B3GAT1: variants seen among roughly 807,000 people sequenced by gnomAD.
B3GAT1 encodes galactosylgalactosylxylosylprotein 3-beta-glucuronosyltransferase 1.
In B3GAT1, 11 loss-of-function variants were observed where a neutral mutation model predicts 28.4. The ratio of observed to expected loss-of-function variants is 0.39; its 90% CI spans 0.24 to 0.64. B3GAT1 has a LOEUF of 0.64. Among genes scored for constraint, B3GAT1 ranks in the 30% least tolerant of loss-of-function variants. The pLI, the probability that B3GAT1 is intolerant of heterozygous loss-of-function variation, is 0.50. For missense variants in B3GAT1, 375 were observed against 491.0 expected, an observed-to-expected ratio of 0.76 and a Z score of 2.23; for synonymous variants, 255 against 223.1, an observed-to-expected ratio of 1.14 and a Z score of -1.27.
At chr11:134,404,012 TATATATATATA>T (rs1944677350) in intron 1 of B3GAT1, among the ~76,000 whole-genome samples, 5 of 121,746 alleles carry the variant, frequency 4.1e-5, no homozygotes, top group African/African-American at 1.7e-4. Flanking sequence ...TATATATATA[TATATATATATA>T]TATATATTTA....
chr11:134,389,953 A>T (rs1449949797), intron 1 of B3GAT1: 1 of 151,940 alleles, frequency 6.6e-6, no homozygotes, highest in Non-Finnish European at 1.5e-5. Flanking sequence ...ATTAAGGAGC[A>T]CTGTGGTTTC....
At chr11:134,383,495 C>CT (rs1371614393) in intron 3 of B3GAT1, among the ~76,000 whole-genome samples, 185 bp downstream of exon 3, 1 of 152,232 alleles carries the variant, frequency 6.6e-6, no homozygotes, top group Non-Finnish European at 1.5e-5. Flanking sequence ...TTCCCCCTAA[C>CT]TTGTGGGGGA....
At position 134,400,974 on chromosome 11, in the gene B3GAT1, G is replaced by A. The variant is rs542407252; in HGVS notation, c.-282+10833C>T. ...ACTTCTCAAATGAAGACGTACAAGT[G>A]GCCAACAAATATGAAAAAATGCTCA... On this transcript the variant is annotated intron_variant, in intron 1 of 5. Coordinates refer to ENST00000312527, the MANE Select transcript of B3GAT1 (RefSeq NM_054025.3). 1.6e-4 allele frequency among the ~76,000 whole-genome samples: 25 copies of A among 152,268 alleles called. No homozygotes were observed. The South Asian group carries it at 5.0e-3, about 30-fold the overall frequency.
intron 1 of B3GAT1, among the ~76,000 whole-genome samples, chr11:134,405,952 C>T (rs1489948170): frequency 1.3e-5 from 2 of 152,194 alleles, no homozygotes; most frequent in African/African-American, 2.4e-5. Flanking sequence ...CTCTGGCCTC[C>T]GGCTTGGGTC....
In B3GAT1 at chr11:134,387,736, C is replaced by T. The variant is rs1441602086; in HGVS notation, c.-77G>A. 20 of 1,589,072 alleles carry T rather than the reference C, an allele frequency of 1.3e-5. No individual in the cohort carries two copies. Among genetic ancestry groups the T allele is most frequent in the East Asian group, 2.3e-5 (1 of 43,610 alleles). On this transcript the variant is annotated 5_prime_UTR_variant, in exon 2 of 6. Coordinates refer to ENST00000312527, the MANE Select transcript of B3GAT1 (RefSeq NM_054025.3). ...TCAGGAGAGGGGCGGCCACGGGCGG[C>T]GGCAGCACAGGGGAGAAAAGAACAG...
intron 1 of B3GAT1, among the ~76,000 whole-genome samples, chr11:134,410,812 C>T (rs566808288): frequency 2.0e-5 from 3 of 152,346 alleles, no homozygotes; most frequent in East Asian, 3.9e-4. Flanking sequence ...CTAGGCCCTA[C>T]GACATCCGTA....
chr11:134,387,898 C>T lies in B3GAT1; in HGVS notation c.-239G>A, dbSNP rs1944329061. On this transcript the variant is annotated 5_prime_UTR_variant, in exon 2 of 6. Coordinates refer to ENST00000312527, the MANE Select transcript of B3GAT1 (RefSeq NM_054025.3). ...GCCCAACTGGAGTCTGAGAAGGGGT[C>T]GCTGTCCAGGGGCAGGGGTCAGGAA... is the stretch of plus-strand genomic sequence containing the variant. 2 of 1,502,716 alleles carry T rather than the reference C, an allele frequency of 1.3e-6. No homozygotes were observed. The highest frequency in any genetic ancestry group is 1.8e-6 in the Non-Finnish European group (2 of 1,125,368). 93.1% of individuals were successfully genotyped at this position (1,502,716 alleles called of 1,614,324 possible).
rs185237380 is a variant in B3GAT1 at position 134,400,642 on chromosome 11, A to G, written c.-282+11165T>C. ...GGACCAAAGATTTAAATGTTGTAAG[A>G]CTTCAAACTATCTAAGAATCCTAGA... On this transcript the variant is annotated intron_variant, in intron 1 of 5. Coordinates refer to ENST00000312527, the MANE Select transcript of B3GAT1 (RefSeq NM_054025.3). 9.2e-4 allele frequency among the ~76,000 whole-genome samples: 140 copies of G among 152,320 alleles called. 1 individual carries two copies. Among genetic ancestry groups the G allele is most frequent in the Non-Finnish European group, 4.4e-5 (3 of 68,038 alleles).
rs886349453 is a variant in B3GAT1 at position 134,380,054 on chromosome 11, AG to A, written c.*707del. On this transcript the variant is annotated 3_prime_UTR_variant, in exon 6 of 6. Coordinates refer to ENST00000312527, the MANE Select transcript of B3GAT1 (RefSeq NM_054025.3). ...GAAGGGGTAAAGGAAGAGGGGCCGG[AG>A]GGGGGGACTCTGCTCCCGCCACAGC... The A allele has an allele frequency of 2.6e-5, 4 of 152,226 alleles. No individual in the cohort carries two copies. Among genetic ancestry groups the A allele is most frequent in the African/African-American group, 4.8e-5 (2 of 41,312 alleles). 9.4% of individuals were successfully genotyped at this position (152,226 alleles called of 1,614,324 possible). A position where few individuals can be genotyped will look rare whatever the true frequency, so the allele number is the denominator to read the frequency against.
chr11:134,394,087 G>A (rs138636459), intron 1 of B3GAT1, among the ~76,000 whole-genome samples: 3,621 of 152,250 alleles, frequency 0.024, 81 homozygotes, highest in African/African-American at 0.063. Flanking sequence ...AGCCCTGCTG[G>A]GGGGCAGGAC....
At chr11:134,394,706 G>A (rs1944471993) in intron 1 of B3GAT1, among the ~76,000 whole-genome samples, 1 of 152,254 alleles carries the variant, frequency 6.6e-6, no homozygotes, top group South Asian at 2.1e-4. Context: ...TGGGACTGCT[G>A]ATGGAAGGGC....
In B3GAT1 at chr11:134,403,107, C is replaced by CACA. The variant is rs577270396; in HGVS notation, c.-282+8697_-282+8699dup. The stretch of plus-strand genomic sequence containing the variant: ...TCTGGGTTTCCCAGGCTACCTATCA[C>CACA]ACAGTGAGCACCAGGGCGGCTACGG... On this transcript the variant is annotated intron_variant, in intron 1 of 5. Transcript: ENST00000312527. Among the ~76,000 whole-genome samples the CACA allele has an allele frequency of 3.4e-3, 514 of 152,216 alleles. 3 individuals carry two copies. The highest frequency in any genetic ancestry group is 0.011 in the African/African-American group (465 of 41,538).
rs1479298532 is a variant in B3GAT1 at position 134,380,288 on chromosome 11, TC to T, written c.*473del. ...ATGCCCGTGGGCTGCTCTCTGGTCTTCAGAATTCCCTGGCTGGGTGTCCTGT... is the reference window on the plus strand; with the variant it reads ...ATGCCCGTGGGCTGCTCTCTGGTCTTAGAATTCCCTGGCTGGGTGTCCTGT... On this transcript the variant is annotated 3_prime_UTR_variant, in exon 6 of 6. Coordinates refer to ENST00000312527, the MANE Select transcript of B3GAT1 (RefSeq NM_054025.3). The T allele has an allele frequency of 1.3e-5, 2 of 152,242 alleles. No homozygotes were observed. Among genetic ancestry groups the T allele is most frequent in the Non-Finnish European group, 2.9e-5 (2 of 68,078 alleles). 9.4% of individuals were successfully genotyped at this position (152,242 alleles called of 1,614,324 possible).
rs778905375 is a variant in B3GAT1 at position 134,383,644 on chromosome 11, G to A, written c.621+36C>T. On this transcript the variant is annotated intron_variant, in intron 3 of 5. Transcript: ENST00000312527. ...GGAAGCCCCTCCACTCCCCGCAGCC[G>A]GAGGTCCCGCTGCTCACTGTCGGGC... The A allele has an allele frequency of 3.3e-5, 50 of 1,498,802 alleles. No individual in the cohort carries two copies. In the East Asian group the frequency reaches 9.7e-4, roughly 29 times the overall value. The allele number at this position is 1,498,802 out of a possible 1,614,324, so 92.8% of individuals were successfully genotyped here. A position where few individuals can be genotyped will look rare whatever the true frequency, so the allele number is the denominator to read the frequency against.
chr11:134,411,232 G>A lies in B3GAT1; in HGVS notation c.-282+575C>T, dbSNP rs1944847130. On this transcript the variant is annotated intron_variant, in intron 1 of 5. Transcript: ENST00000312527. The surrounding 1 kb of genome is among the most constrained non-coding windows in gnomAD (Gnocchi z 6.0). ...CAGACCTGAGCCCAGGTGCAGATGG[G>A]AGGGTGGTGAACTGGTCGCGCCTCC... is the stretch of plus-strand genomic sequence containing the variant. Among the ~76,000 whole-genome samples, 1 of 152,200 alleles carries A rather than the reference G, an allele frequency of 6.6e-6. No individual in the cohort carries two copies.
At chr11:134,404,824 A>T (rs1944697085) in intron 1 of B3GAT1, among the ~76,000 whole-genome samples, 1 of 152,212 alleles carries the variant, frequency 6.6e-6, no homozygotes, top group South Asian at 2.1e-4. Flanking sequence ...ACAGGCGATG[A>T]GTTAGGAGAG....
At chr11:134,385,879 GACAGAATGCCAAGTCC>G (rs1227394063) in intron 2 of B3GAT1, 6 of 152,266 alleles carry the variant, frequency 3.9e-5, no homozygotes, top group African/African-American at 1.4e-4. Flanking sequence ...GCTCTGGGGA[GACAGAATGCCAAGTCC>G]CCAGCCTCAG....
intron 1 of B3GAT1, among the ~76,000 whole-genome samples, chr11:134,396,225 C>T (rs542301677): frequency 2.6e-5 from 4 of 152,288 alleles, no homozygotes; most frequent in Admixed American, 1.3e-4. Flanking sequence ...GAGGACTGCA[C>T]GAAGGCATGA....
intron 1 of B3GAT1, among the ~76,000 whole-genome samples, chr11:134,403,240 A>G (rs1944655811): frequency 6.6e-6 from 1 of 152,034 alleles, no homozygotes; most frequent in African/African-American, 2.4e-5. Context: ...ATCCCCAGGT[A>G]GACTCTAGGA....
Sources: gnomAD v4.1 joint callset for allele counts (sites outside exome capture counted in the v4.1 genomes callset) on GRCh38, gnomAD v4.1.1 for gene constraint, Gnocchi (gnomAD v3.1) non-coding constraint, MANE v1.5 for transcripts, NCBI Gene and HGNC (gene_info 2026-07-23, HGNC 2026-07-21) for gene names.